ZNF625: variants seen among roughly 807,000 people sequenced by gnomAD.
ZNF625 encodes the protein zinc finger protein 625.
Under a neutral mutation model 11.1 loss-of-function variants are expected in ZNF625, and 8 were observed. That is an observed-to-expected ratio of 0.72 (90% CI 0.42 to 1.30). ZNF625 has a LOEUF of 1.30. ZNF625 is among the 50% of genes most tolerant of loss of function. The pLI, the probability that ZNF625 is intolerant of heterozygous loss-of-function variation, is 0.01. For synonymous variants in ZNF625, 145 were observed against 153.4 expected (o/e 0.95, Z 0.41); for missense variants, 349 against 447.6 (o/e 0.78, Z 1.99).
In ZNF625 at chr19:12,156,722, T is replaced by A; in HGVS notation, c.-164A>T. 1.6e-6 allele frequency: 1 copy of A among 611,792 alleles called. No individual in the cohort carries two copies. Among genetic ancestry groups the A allele is most frequent in the Non-Finnish European group, 2.4e-6 (1 of 419,934 alleles). 37.9% of individuals were successfully genotyped at this position (611,792 alleles called of 1,614,324 possible). Reference sequence around the variant, plus strand: ...CCCTTTGGTGCAAGACGCCTGGGAGTCAGGAAAGCGGGAATGCGGCCTCCC... The same window carrying A: ...CCCTTTGGTGCAAGACGCCTGGGAGACAGGAAAGCGGGAATGCGGCCTCCC... On this transcript the variant is annotated 5_prime_UTR_variant, in exon 1 of 4. Transcript: ENST00000439556.
Position 12,145,384 on chromosome 19 carries a change from C to T in ZNF625, c.1032G>A (p.Ser344=), listed in dbSNP as rs753301696. ...KQCGKAFGCA[S]SVKIHERTHT... ...GAGTCCTTTCATGGATTTTAACGCTCGAGGCACATCCAAAGGCTTTACCAC... is the reference window on the plus strand; with the variant it reads ...GAGTCCTTTCATGGATTTTAACGCTTGAGGCACATCCAAAGGCTTTACCAC... The change falls in exon 4 of 4, where the codon TCG becomes TCA. Residue 344 remains serine (S), a synonymous_variant. Coordinates refer to ENST00000439556, the MANE Select transcript of ZNF625 (RefSeq NM_145233.4). 1.3e-5 allele frequency: 21 copies of T among 1,613,978 alleles called. No homozygotes were observed. The highest frequency in any genetic ancestry group is 4.4e-5 in the South Asian group (4 of 91,082).
At chr19:12,146,643 G>A (rs1242407948) in intron 3 of ZNF625, among the ~76,000 whole-genome samples, 5 of 152,050 alleles carry the variant, frequency 3.3e-5, no homozygotes, top group African/African-American at 1.2e-4. Context: ...CATTTCCCTG[G>A]CTGGTCTCAA....
intron 1 of ZNF625, among the ~76,000 whole-genome samples, chr19:12,149,925 G>A (rs949893386): frequency 3.3e-5 from 5 of 152,098 alleles, no homozygotes; most frequent in African/African-American, 1.2e-4. Context: ...TTTCAGTAGA[G>A]ACAGGGTTTC....
chr19:12,147,280 T>G, intron 3 of ZNF625, 115 bp downstream of exon 3: 1 of 1,013,364 alleles, frequency 9.9e-7, no homozygotes. Context: ...GAGAAAATTT[T>G]GTAAGAATAA....
chr19:12,156,644 T>C lies in ZNF625; in HGVS notation c.-86A>G. ...GTGCGGGCGATGGAGCGACAGAAGC[T>C]ATGGCGGAGGCACCTGGTCCCTCTC... On this transcript the variant is annotated 5_prime_UTR_variant, in exon 1 of 4. In the 5' UTR this introduces an upstream ATG that the reference lacks. Transcript: ENST00000439556. 3.3e-6 allele frequency: 4 copies of C among 1,215,316 alleles called. No homozygotes were observed. The highest frequency in any genetic ancestry group is 4.1e-6 in the Non-Finnish European group (4 of 965,824). The allele number at this position is 1,215,316 out of a possible 1,614,324, so 75.3% of individuals were successfully genotyped here.
chr19:12,150,578 C>T (rs1414054857), intron 1 of ZNF625, among the ~76,000 whole-genome samples: 1 of 152,196 alleles, frequency 6.6e-6, no homozygotes, highest in Non-Finnish European at 1.5e-5. Flanking sequence ...AGGTTGAGGT[C>T]AATCTCTCTC....
chr19:12,153,180 G>A (rs201648459), intron 1 of ZNF625, among the ~76,000 whole-genome samples: 11 of 151,442 alleles, frequency 7.3e-5, no homozygotes, highest in Non-Finnish European at 1.3e-4. Flanking sequence ...GATGAAACCC[G>A]TCTCTACTAA....
rs529041860 is a variant in ZNF625, at chr19:12,156,579, T to C, written c.-21A>G. 1.4e-6 allele frequency: 2 copies of C among 1,392,718 alleles called. No homozygotes were observed. Among genetic ancestry groups the C allele is most frequent in the Admixed American group, 2.9e-5 (1 of 34,478 alleles). 86.3% of individuals were successfully genotyped at this position (1,392,718 alleles called of 1,614,324 possible). A position where few individuals can be genotyped will look rare whatever the true frequency, so the allele number is the denominator to read the frequency against. On this transcript the variant is annotated 5_prime_UTR_variant, in exon 1 of 4. Coordinates refer to ENST00000439556, the MANE Select transcript of ZNF625 (RefSeq NM_145233.4). Reference sequence around the variant, plus strand: ...ACCATTTCCCGGCTTCCAGGTGTCCTGGCCTCCTCTCCACGGATCCCTCTA... The same window carrying C: ...ACCATTTCCCGGCTTCCAGGTGTCCCGGCCTCCTCTCCACGGATCCCTCTA...
In ZNF625 at chr19:12,146,256, T is replaced by A. The variant is rs141342239; in HGVS notation, c.192-32A>T. On this transcript the variant is annotated intron_variant, in intron 3 of 3. Transcript: ENST00000439556. ...ACAATGAGAAGTATATCATAATGGG[T>A]TCCTTTATCACTGATTTGATATTCA... 375 of 1,565,890 alleles carry A rather than the reference T, an allele frequency of 2.4e-4. 1 individual carries two copies. In the East Asian group the frequency reaches 7.3e-3, roughly 30 times the overall value.
At chr19:12,152,757 G>C (rs375143885) in intron 1 of ZNF625, among the ~76,000 whole-genome samples, 5 of 151,502 alleles carry the variant, frequency 3.3e-5, no homozygotes, top group Non-Finnish European at 7.4e-5. Context: ...TAGGAGAATC[G>C]CTTGAACCCA....
At position 12,145,997 on chromosome 19, in the gene ZNF625, C is replaced by G; in HGVS notation, c.419G>C (p.Cys140Ser). Reference sequence around the variant, plus strand: ...GGGGAGATCACTGAAGGCTTTCTTACAGTATGTACATTTATATGGCTTCTG... The same window carrying G: ...GGGGAGATCACTGAAGGCTTTCTTAGAGTATGTACATTTATATGGCTTCTG... Reference protein sequence around the residue: ...YGQKPYKCTYCKKAFSDLPYF... With the variant: ...YGQKPYKCTYSKKAFSDLPYF... Residue 140 changes from cysteine to serine, a missense_variant, in exon 4 of 4, where the codon TGT becomes TCT. Coordinates refer to ENST00000439556, the MANE Select transcript of ZNF625 (RefSeq NM_145233.4). 3.7e-6 allele frequency: 6 copies of G among 1,614,216 alleles called. No individual in the cohort carries two copies. The highest frequency in any genetic ancestry group is 5.1e-6 in the Non-Finnish European group (6 of 1,180,050).
chr19:12,148,403 A>C (rs938982173), intron 1 of ZNF625, among the ~76,000 whole-genome samples: 1 of 152,204 alleles, frequency 6.6e-6, no homozygotes, highest in Non-Finnish European at 1.5e-5. Context: ...GAATTGCTGG[A>C]GGTTGAATGG....
At position 12,155,058 on chromosome 19, in the gene ZNF625, T is replaced by A. The variant is rs969703851; in HGVS notation, c.3+1498A>T. The stretch of plus-strand genomic sequence containing the variant: ...TTGGCCAACATGGTGAAACCCCATC[T>A]CTACTAAAAATACAGAAATTAGCCG... On this transcript the variant is annotated intron_variant, in intron 1 of 3. Coordinates refer to ENST00000439556, the MANE Select transcript of ZNF625 (RefSeq NM_145233.4). Among the ~76,000 whole-genome samples the A allele has an allele frequency of 1.3e-5, 2 of 152,002 alleles. 1 individual carries two copies. Among genetic ancestry groups the A allele is most frequent in the South Asian group, 4.1e-4 (2 of 4,822 alleles).
At chr19:12,148,931 A>T (rs1293954201) in intron 1 of ZNF625, among the ~76,000 whole-genome samples, 1 of 151,888 alleles carries the variant, frequency 6.6e-6, no homozygotes, top group Admixed American at 6.6e-5. Context: ...CAAAATTAAC[A>T]TATCTTTCAG....
In ZNF625 at chr19:12,147,770, G is replaced by T. The variant is rs768845039; in HGVS notation, c.36C>A (p.Asn12Lys). Residue 12 changes from asparagine (N) to lysine (K), a missense_variant, in exon 2 of 4, where the codon AAC becomes AAA. Physicochemically the swap from Asn to Lys is moderately conservative, Grantham distance 94. Transcript: ENST00000439556. Reference protein sequence around the residue: ...DSVVFEDVDVNFTQEEWALLD... With the variant: ...DSVVFEDVDVKFTQEEWALLD... The stretch of plus-strand genomic sequence containing the variant: ...GCAAAGCCCACTCCTCCTGGGTGAA[G>T]TTCACATCTACATCCTCAAAGACCA... The T allele has an allele frequency of 3.7e-6, 6 of 1,614,112 alleles. No homozygotes were observed. The highest frequency in any genetic ancestry group is 5.1e-6 in the Non-Finnish European group (6 of 1,180,014).
chr19:12,155,606 C>T (rs190800505), intron 1 of ZNF625, among the ~76,000 whole-genome samples: 5 of 152,280 alleles, frequency 3.3e-5, no homozygotes, highest in Admixed American at 2.6e-4. Context: ...TGCCATCGAA[C>T]CTCCTGGGGA....
At chr19:12,147,006 G>A (rs960423720) in intron 3 of ZNF625, among the ~76,000 whole-genome samples, 7 of 127,044 alleles carry the variant, frequency 5.5e-5, no homozygotes, top group African/African-American at 1.9e-4. Flanking sequence ...TCGCTCAGTC[G>A]CCCAGGATGG....
At chr19:12,152,880 T>C (rs939299027) in intron 1 of ZNF625, among the ~76,000 whole-genome samples, 6 of 151,578 alleles carry the variant, frequency 4.0e-5, no homozygotes, top group Admixed American at 2.6e-4. Flanking sequence ...AAACTAATAA[T>C]ACAAAGTAAC....
intron 1 of ZNF625, among the ~76,000 whole-genome samples, chr19:12,149,116 C>G (rs1976918053): frequency 1.3e-5 from 2 of 151,514 alleles, no homozygotes; most frequent in South Asian, 4.2e-4. Flanking sequence ...CCCGTCTCTT[C>G]TAAAAATACA....
Sources: gnomAD v4.1 joint callset for allele counts (sites outside exome capture counted in the v4.1 genomes callset) on GRCh38, gnomAD v4.1.1 for gene constraint, MANE v1.5 for transcripts, NCBI Gene and HGNC (gene_info 2026-07-23, HGNC 2026-07-21) for gene names.